BTAF1: variants seen among roughly 807,000 people sequenced by gnomAD.
BTAF1 encodes the protein B-TFIID TATA-box binding protein associated factor 1, also known as TATA-binding protein-associated factor 172.
Under a neutral mutation model 227.1 loss-of-function variants are expected in BTAF1, and 38 were observed. The observed-to-expected ratio is 0.17, with a 90% CI of 0.13 to 0.22. BTAF1 has a LOEUF of 0.22. Among genes scored for constraint, BTAF1 ranks in the 10% least tolerant of loss-of-function variants. BTAF1 has a pLI of 1.00. For missense variants in BTAF1, 1,598 were observed against 2,204.0 expected (o/e 0.73, Z 5.51); for synonymous variants, 742 against 751.9 (o/e 0.99, Z 0.21).
In BTAF1 at chr10:91,952,463, G is replaced by A. The variant is rs546668548; in HGVS notation, c.564+897G>A. On this transcript the variant is annotated intron_variant, in intron 5 of 37. Transcript: ENST00000265990. ...ACATGTGAGATATTACATCTCAAGC[G>A]GTTCAGTACTCTTTTACCTGACCCC... is the stretch of plus-strand genomic sequence containing the variant. 6.5e-4 allele frequency among the ~76,000 whole-genome samples: 99 copies of A among 152,226 alleles called. 1 individual carries two copies. In the South Asian group the frequency reaches 9.3e-3, roughly 14 times the overall value.
intron 1 of BTAF1, among the ~76,000 whole-genome samples, chr10:91,928,846 A>G (rs952163251): frequency 7.4e-6 from 1 of 135,870 alleles, no homozygotes; most frequent in Non-Finnish European, 1.5e-5. Flanking sequence ...TTGTTTTTGG[A>G]GGCAGAGTCT....
Position 92,008,125 on chromosome 10 carries a change from A to C in BTAF1, c.3663A>C (p.Ala1221=). 1 of 1,569,476 alleles carries C rather than the reference A, an allele frequency of 6.4e-7. No homozygotes were observed. The highest frequency in any genetic ancestry group is 2.2e-5 in the Admixed American group (1 of 45,104). Residue 1221 remains alanine (A), a splice_region_variant and synonymous_variant, in exon 26 of 38, where the codon GCA becomes GCC. Coordinates refer to ENST00000265990, the MANE Select transcript of BTAF1 (RefSeq NM_003972.3). ...TAACTTTAAAAAAATCATTTTAGGC[A>C]GGCATTCCAGACCCTCCAAACATGT... ...ATLIRLMPLE[A]GIPDPPNMSA... is the part of the protein sequence containing the mutation.
intron 14 of BTAF1, among the ~76,000 whole-genome samples, chr10:91,974,866 C>T (rs1339840499): frequency 6.6e-6 from 1 of 152,080 alleles, no homozygotes; most frequent in Non-Finnish European, 1.5e-5. Flanking sequence ...AAACAAAAAA[C>T]AACTAGTTTT....
chr10:91,982,563 T>G (rs370438407), intron 17 of BTAF1, 24 bp from the exon 18 acceptor site: 11 of 1,574,930 alleles, frequency 7.0e-6, no homozygotes, highest in Non-Finnish European at 8.6e-6. Context: ...TTTCTTATAG[T>G]AACTTCCTTT....
intron 7 of BTAF1, among the ~76,000 whole-genome samples, chr10:91,956,907 T>C (rs929244367): frequency 3.9e-5 from 6 of 152,094 alleles, no homozygotes; most frequent in African/African-American, 1.4e-4. Context: ...GGAGAATCGC[T>C]TGAACCCGGG....
chr10:91,991,627 G>A (rs1342059099), intron 20 of BTAF1, among the ~76,000 whole-genome samples: 1 of 151,562 alleles, frequency 6.6e-6, no homozygotes, highest in East Asian at 2.0e-4. Flanking sequence ...GTGTGTGCCT[G>A]TAGTCCTAAC....
intron 14 of BTAF1, among the ~76,000 whole-genome samples, chr10:91,979,002 C>T (rs1847900766): frequency 6.6e-6 from 1 of 151,898 alleles, no homozygotes; most frequent in Admixed American, 6.6e-5. Context: ...AAGTAGGCCC[C>T]AGTGTCTTTT....
At chr10:92,001,101 A>AGT (rs1475874074) in intron 25 of BTAF1, among the ~76,000 whole-genome samples, 1 of 152,234 alleles carries the variant, frequency 6.6e-6, no homozygotes, top group African/African-American at 2.4e-5. Context: ...AGCACTGGAT[A>AGT]GTGAACCATG....
At chr10:92,005,395 T>G (rs550992247) in intron 25 of BTAF1, among the ~76,000 whole-genome samples, 1 of 152,336 alleles carries the variant, frequency 6.6e-6, no homozygotes, top group African/African-American at 2.4e-5. Flanking sequence ...CATCTATAGA[T>G]AGTTTTGGGT....
At position 91,989,342 on chromosome 10, in the gene BTAF1, G is replaced by A. The variant is rs1848600459; in HGVS notation, c.2616G>A (p.Glu872=). Residue 872 remains glutamate (E), a synonymous_variant, in exon 20 of 38, where the codon GAG becomes GAA. Transcript: ENST00000265990. ...TTGTGAGCTTGCAGCAGCTTCCGGA[G>A]AAATTAAATCCTATCATAAAACCAT... The part of the protein sequence containing the change: ...CAVVSLQQLP[E]KLNPIIKPLM... The A allele has an allele frequency of 1.2e-6, 2 of 1,613,984 alleles. No individual in the cohort carries two copies. The highest frequency in any genetic ancestry group is 2.2e-5 in the South Asian group (2 of 91,084).
intron 14 of BTAF1, among the ~76,000 whole-genome samples, chr10:91,967,722 T>C (rs1297006693): frequency 6.6e-6 from 1 of 152,264 alleles, no homozygotes; most frequent in South Asian, 2.1e-4. Context: ...TGGGCTGATA[T>C]GACAGCTGGC....
At chr10:92,018,116 C>G (rs1296493807) in intron 33 of BTAF1, among the ~76,000 whole-genome samples, 1 of 152,098 alleles carries the variant, frequency 6.6e-6, no homozygotes, top group Non-Finnish European at 1.5e-5. Flanking sequence ...CTGAGTCTCG[C>G]TCTGTCACCC....
intron 4 of BTAF1, among the ~76,000 whole-genome samples, chr10:91,949,925 C>T (rs941363855): frequency 5.9e-5 from 9 of 151,996 alleles, no homozygotes; most frequent in Admixed American, 1.3e-4. Context: ...TGCTTGAGGC[C>T]AGGAGTTCAA....
chr10:91,981,615 A>G, intron 15 of BTAF1, 28 bp from the exon 16 acceptor site: 1 of 1,548,800 alleles, frequency 6.5e-7, no homozygotes, highest in Non-Finnish European at 8.7e-7. Flanking sequence ...GAAAAAATTC[A>G]CTTTCATGTC....
At chr10:91,981,922 TA>T (rs1393529482) in intron 16 of BTAF1, 130 bp downstream of exon 16, 1 of 1,360,116 alleles carries the variant, frequency 7.4e-7, no homozygotes. Flanking sequence ...ACCGTTATTT[TA>T]TTAGGACCCT....
chr10:91,937,846 A>C (rs571545642), intron 2 of BTAF1, among the ~76,000 whole-genome samples: 5 of 152,286 alleles, frequency 3.3e-5, no homozygotes, highest in South Asian at 4.2e-4. Flanking sequence ...TTTATGAGGA[A>C]CTGCCAAACT....
intron 14 of BTAF1, among the ~76,000 whole-genome samples, chr10:91,975,348 A>C (rs1321296472): frequency 6.6e-6 from 1 of 152,252 alleles, no homozygotes; most frequent in African/African-American, 2.4e-5. Context: ...AGACCAAAAG[A>C]ATAGCCTGAA....
In BTAF1 at chr10:91,974,411, G is replaced by A. The variant is rs139142856; in HGVS notation, c.1651-6043G>A. Among the ~76,000 whole-genome samples the A allele has an allele frequency of 1.2e-4, 19 of 152,290 alleles. No homozygotes were observed. The East Asian group carries it at 3.5e-3, about 28-fold the overall frequency. Reference sequence around the variant, plus strand: ...AACTACAGTTAATGCAGTTGTCTCTGAAACATTATTTCCTTTATACTTCCC... The same window carrying A: ...AACTACAGTTAATGCAGTTGTCTCTAAAACATTATTTCCTTTATACTTCCC... On this transcript the variant is annotated intron_variant, in intron 14 of 37. Coordinates refer to ENST00000265990, the MANE Select transcript of BTAF1 (RefSeq NM_003972.3).
chr10:92,019,001 G>T, intron 34 of BTAF1, 66 bp downstream of exon 34: 2 of 1,368,204 alleles, frequency 1.5e-6, no homozygotes, highest in South Asian at 4.2e-5. Context: ...TGGTAAATTT[G>T]CTTTTCTTAA....
Sources: gnomAD v4.1 joint callset for allele counts (sites outside exome capture counted in the v4.1 genomes callset) on GRCh38, gnomAD v4.1.1 for gene constraint, MANE v1.5 for transcripts, NCBI Gene and HGNC (gene_info 2026-07-23, HGNC 2026-07-21) for gene names.